Variants in NCAM2 observed in about 807,000 individuals in gnomAD.
The protein encoded by NCAM2 is neural cell adhesion molecule 2.
NCAM2 carries 30 observed loss-of-function variants against 98.1 expected under a neutral mutation model. The ratio of observed to expected loss-of-function variants is 0.31; its 90% CI spans 0.23 to 0.41. The LOEUF is 0.41. Among genes scored for constraint, NCAM2 ranks in the 10% least tolerant of loss-of-function variants. The pLI, the probability that NCAM2 is intolerant of heterozygous loss-of-function variation, is 1.00. For missense variants in NCAM2, 867 were observed against 1,005.8 expected (o/e 0.86, Z 1.87); for synonymous variants, 368 against 342.4 (o/e 1.07, Z -0.83).
intron 1 of NCAM2, among the ~76,000 whole-genome samples, chr21:21,003,962 C>CT (rs988990704): frequency 3.9e-5 from 6 of 151,970 alleles, no homozygotes; most frequent in Middle Eastern, 3.4e-3. Flanking sequence ...GAATGATGCG[C>CT]TTTTTTTTGT....
intron 1 of NCAM2, among the ~76,000 whole-genome samples, chr21:20,999,578 T>C (rs979520249): frequency 6.6e-6 from 1 of 152,180 alleles, no homozygotes; most frequent in African/African-American, 2.4e-5. Context: ...TGAAAGTCTT[T>C]AAAGGAAAAA....
chr21:21,158,652 A>G (rs187643840), intron 1 of NCAM2, among the ~76,000 whole-genome samples: 1 of 152,024 alleles, frequency 6.6e-6, no homozygotes, highest in Admixed American at 6.6e-5. Flanking sequence ...AAATATTTAT[A>G]TCACTTAGTG....
chr21:21,062,308 CT>C (rs1166736061), intron 1 of NCAM2, among the ~76,000 whole-genome samples: 3 of 150,350 alleles, frequency 2.0e-5, no homozygotes, highest in Non-Finnish European at 3.0e-5. Flanking sequence ...TTTTATTTTG[CT>C]TTTTTTTCGC....
intron 1 of NCAM2, among the ~76,000 whole-genome samples, chr21:21,073,364 G>C (rs921518532): frequency 1.3e-5 from 2 of 152,026 alleles, no homozygotes; most frequent in African/African-American, 4.8e-5. Flanking sequence ...TTATTAATCT[G>C]TGTCTAAAAA....
In NCAM2 at chr21:21,419,810, G is replaced by A. The variant is rs373253211; in HGVS notation, c.1480+1241G>A. ...AGTCTTTGCTATTGTGAATAGTGCC[G>A]CGATAAACATACGCGTGCATGTGTC... is the stretch of plus-strand genomic sequence containing the variant. On this transcript the variant is annotated intron_variant, in intron 11 of 17. Coordinates refer to ENST00000400546, the MANE Select transcript of NCAM2 (RefSeq NM_004540.5). Among the ~76,000 whole-genome samples the A allele has an allele frequency of 1.8e-4, 28 of 152,122 alleles. 1 individual carries two copies. The South Asian group carries it at 3.9e-3, about 21-fold the overall frequency.
At chr21:21,272,662 T>G (rs1321660594) in intron 1 of NCAM2, among the ~76,000 whole-genome samples, 2 of 151,966 alleles carry the variant, frequency 1.3e-5, no homozygotes, top group Non-Finnish European at 2.9e-5. Flanking sequence ...TAAGGGACAT[T>G]TAAAAAAAGA....
intron 1 of NCAM2, among the ~76,000 whole-genome samples, chr21:21,037,955 A>G (rs1212231430): frequency 1.3e-5 from 2 of 152,220 alleles, no homozygotes; most frequent in Non-Finnish European, 2.9e-5. Flanking sequence ...AGACAATCTC[A>G]ACATTTTGTC....
intron 8 of NCAM2, among the ~76,000 whole-genome samples, chr21:21,341,706 T>C (rs987016185): frequency 1.2e-5 from 1 of 84,646 alleles, no homozygotes; most frequent in Non-Finnish European, 3.1e-5. Context: ...ATTAACAATA[T>C]TCTTTTTTTT....
intron 1 of NCAM2, among the ~76,000 whole-genome samples, chr21:21,058,903 A>G (rs9983417): frequency 0.88 from 133,789 of 151,980 alleles, 59,479 homozygotes; most frequent in Middle Eastern, 0.96. Context: ...GTTTTTGGAC[A>G]TTCTAGTGCT....
intron 7 of NCAM2, among the ~76,000 whole-genome samples, chr21:21,337,892 G>C (rs959423062): frequency 1.3e-5 from 2 of 151,800 alleles, no homozygotes; most frequent in Non-Finnish European, 2.9e-5. Context: ...ACATTTTCAG[G>C]ATATATCATT....
chr21:21,107,150 T>C (rs2066365878), intron 1 of NCAM2, among the ~76,000 whole-genome samples: 1 of 152,146 alleles, frequency 6.6e-6, no homozygotes, highest in Admixed American at 6.6e-5. Context: ...AATAATAGTG[T>C]GTTACTTATG....
intron 1 of NCAM2, among the ~76,000 whole-genome samples, chr21:21,111,117 G>C (rs1373578315): frequency 6.6e-6 from 1 of 151,774 alleles, no homozygotes; most frequent in African/African-American, 2.4e-5. Flanking sequence ...CAAACAGTAT[G>C]TTTACTTTTA....
intron 1 of NCAM2, among the ~76,000 whole-genome samples, chr21:21,245,635 A>G (rs1013831779): frequency 1.3e-5 from 2 of 152,202 alleles, no homozygotes; most frequent in Non-Finnish European, 2.9e-5. Context: ...ATGTGCCTAA[A>G]TATTTCACTG....
intron 7 of NCAM2, among the ~76,000 whole-genome samples, chr21:21,337,780 A>G (rs74382569): frequency 0.02 from 3,116 of 152,060 alleles, 42 homozygotes; most frequent in Middle Eastern, 0.065. Context: ...TATATTGTTA[A>G]GTAAACTGAA....
chr21:21,249,908 T>C (rs2071413530), intron 1 of NCAM2, among the ~76,000 whole-genome samples: 1 of 152,166 alleles, frequency 6.6e-6, no homozygotes, highest in African/African-American at 2.4e-5. Flanking sequence ...CACATGTATT[T>C]AATTGTTGTA....
intron 5 of NCAM2, among the ~76,000 whole-genome samples, chr21:21,306,348 T>A (rs1207732655): frequency 1.3e-5 from 2 of 152,146 alleles, no homozygotes; most frequent in African/African-American, 4.8e-5. Flanking sequence ...TCTCCATGTA[T>A]TTTAAGCTCT....
At chr21:21,024,643 G>A (rs902399120) in intron 1 of NCAM2, among the ~76,000 whole-genome samples, 1 of 152,144 alleles carries the variant, frequency 6.6e-6, no homozygotes, top group Non-Finnish European at 1.5e-5. Flanking sequence ...TTGGGAGGCC[G>A]AGGCGGATGA....
chr21:21,357,442 T>C (rs1740445427), intron 8 of NCAM2, among the ~76,000 whole-genome samples: 1 of 152,074 alleles, frequency 6.6e-6, no homozygotes, highest in South Asian at 2.1e-4. Context: ...TTTTTTCACC[T>C]CAAATAGAAA....
chr21:21,453,958 C>T (rs1004975705), intron 12 of NCAM2, among the ~76,000 whole-genome samples: 1 of 151,946 alleles, frequency 6.6e-6, no homozygotes, highest in Non-Finnish European at 1.5e-5. Flanking sequence ...AATAGTTCAG[C>T]GTCCTATGAA....
Sources: gnomAD v4.1 joint callset for allele counts (sites outside exome capture counted in the v4.1 genomes callset) on GRCh38, gnomAD v4.1.1 for gene constraint, MANE v1.5 for transcripts, NCBI Gene and HGNC (gene_info 2026-07-23, HGNC 2026-07-21) for gene names.